PRSS12: variants seen among roughly 807,000 people sequenced by gnomAD.
PRSS12 encodes the protein serine protease 12.
In PRSS12, 85 loss-of-function variants were observed where a neutral mutation model predicts 104.4. The observed-to-expected ratio is 0.81, with a 90% CI of 0.68 to 0.98. PRSS12 has a LOEUF of 0.98. Ranked by LOEUF, PRSS12 falls within the 50% of genes least tolerant of loss-of-function variation. The pLI is 0.00. For missense variants in PRSS12, 1,141 were observed against 1,139.2 expected, an observed-to-expected ratio of 1.00 and a Z score of -0.02; for synonymous variants, 454 against 425.2, an observed-to-expected ratio of 1.07 and a Z score of -0.83.
At chr4:118,339,470 T>C (rs1724146376) in intron 1 of PRSS12, among the ~76,000 whole-genome samples, 1 of 152,214 alleles carries the variant, frequency 6.6e-6, no homozygotes, top group African/African-American at 2.4e-5. Context: ...TTCCACATCA[T>C]CATCCTTTAA....
intron 7 of PRSS12, among the ~76,000 whole-genome samples, chr4:118,312,367 C>G (rs960244088): frequency 6.6e-6 from 1 of 152,078 alleles, no homozygotes; most frequent in Non-Finnish European, 1.5e-5. Flanking sequence ...CATACACACA[C>G]ACACACACGC....
intron 8 of PRSS12, among the ~76,000 whole-genome samples, chr4:118,301,437 T>C (rs1376896939): frequency 1.3e-5 from 2 of 152,202 alleles, no homozygotes; most frequent in South Asian, 2.1e-4. Context: ...GCAGTGTCAC[T>C]GACCTCTTTG....
intron 4 of PRSS12, among the ~76,000 whole-genome samples, chr4:118,324,148 C>T (rs1024899219): frequency 2.0e-5 from 3 of 151,978 alleles, no homozygotes; most frequent in Non-Finnish European, 4.4e-5. Flanking sequence ...AATCTGCCCA[C>T]CTCAGCCTCT....
chr4:118,352,447 C>A lies in PRSS12; in HGVS notation c.274G>T (p.Gly92Cys). The change falls in exon 1 of 13, where the codon GGC (glycine) becomes TGC (cysteine). Residue 92 changes from glycine (G) to cysteine (C), a missense_variant. Physicochemically the swap from Gly to Cys is radical, Grantham distance 159. Coordinates refer to ENST00000296498, the MANE Select transcript of PRSS12 (RefSeq NM_003619.4). ...ACCCATGGCTCGCCGGCGGGGCAGC[C>A]CCAGGGGTGCGGCCGGGGCGTGTGC... ...AGHTPRPHPW[G>C]CPAGEPWVSV... is the part of the protein sequence containing the mutation. 6.9e-7 allele frequency: 1 copy of A among 1,448,440 alleles called. No individual in the cohort carries two copies. The highest frequency in any genetic ancestry group is 1.4e-5 in the South Asian group (1 of 70,926). 89.7% of individuals were successfully genotyped at this position (1,448,440 alleles called of 1,614,324 possible).
chr4:118,283,532 A>G (rs1022840548), intron 11 of PRSS12, among the ~76,000 whole-genome samples: 3 of 152,236 alleles, frequency 2.0e-5, no homozygotes, highest in Admixed American at 1.3e-4. Flanking sequence ...ACTTAGTACA[A>G]TCGACTTCAC....
chr4:118,320,961 G>A (rs957739821), intron 4 of PRSS12, among the ~76,000 whole-genome samples: 15 of 152,198 alleles, frequency 9.9e-5, no homozygotes, highest in African/African-American at 3.1e-4. Flanking sequence ...ATATTTTCAT[G>A]GAGTTAACAT....
intron 8 of PRSS12, among the ~76,000 whole-genome samples, chr4:118,305,074 G>A (rs1028543291): frequency 4.7e-5 from 7 of 148,816 alleles, no homozygotes; most frequent in East Asian, 2.0e-4. Flanking sequence ...AAAGATCCTC[G>A]GCACTAGTCA....
At chr4:118,319,514 CAA>C (rs1051353520) in intron 4 of PRSS12, among the ~76,000 whole-genome samples, 1 of 152,172 alleles carries the variant, frequency 6.6e-6, no homozygotes, top group African/African-American at 2.4e-5. Context: ...GAAATGCAAA[CAA>C]GAGAGATTCG....
chr4:118,334,312 C>A (rs1385069414), intron 3 of PRSS12, among the ~76,000 whole-genome samples: 4 of 151,650 alleles, frequency 2.6e-5, no homozygotes, highest in Non-Finnish European at 4.4e-5. Context: ...AGATAGATAT[C>A]CTGAAAAAAA....
intron 11 of PRSS12, among the ~76,000 whole-genome samples, chr4:118,283,869 G>A (rs933535357): frequency 6.6e-6 from 1 of 152,092 alleles, no homozygotes; most frequent in African/African-American, 2.4e-5. Flanking sequence ...CCAGGTCAGA[G>A]ATATCTTTGT....
intron 2 of PRSS12, among the ~76,000 whole-genome samples, chr4:118,337,596 T>C (rs1303003543): frequency 1.3e-5 from 2 of 152,058 alleles, no homozygotes; most frequent in Non-Finnish European, 2.9e-5. Flanking sequence ...GAAGCTGCCA[T>C]CTTCCACAAG....
intron 11 of PRSS12, among the ~76,000 whole-genome samples, chr4:118,291,522 C>T (rs1743126883): frequency 6.6e-6 from 1 of 152,144 alleles, no homozygotes; most frequent in Non-Finnish European, 1.5e-5. Flanking sequence ...TATCTTATCT[C>T]CCTTTAACAT....
intron 9 of PRSS12, among the ~76,000 whole-genome samples, chr4:118,297,387 A>G (rs1743277466): frequency 6.6e-6 from 1 of 152,178 alleles, no homozygotes; most frequent in Non-Finnish European, 1.5e-5. Context: ...AATCAGTTAT[A>G]TCCCATTTGT....
chr4:118,332,737 A>G (rs1386962659), intron 3 of PRSS12, among the ~76,000 whole-genome samples: 1 of 152,204 alleles, frequency 6.6e-6, no homozygotes, highest in African/African-American at 2.4e-5. Flanking sequence ...TATAATAATT[A>G]TTTATTGACT....
At chr4:118,282,781 G>T in intron 12 of PRSS12, 50 bp downstream of exon 12, 1 of 1,610,538 alleles carries the variant, frequency 6.2e-7, no homozygotes, top group Non-Finnish European at 8.5e-7. Context: ...CAAATATATG[G>T]ATAATACCAG....
In PRSS12 at chr4:118,352,788, G is replaced by A; in HGVS notation, c.-68C>T. 1 of 1,587,018 alleles carries A rather than the reference G, an allele frequency of 6.3e-7. No individual in the cohort carries two copies. Among genetic ancestry groups the A allele is most frequent in the Non-Finnish European group, 8.5e-7 (1 of 1,170,206 alleles). ...CGGGCTTGGAGCGGAGAAGAGGAGG[G>A]GGCGGGGGCGGGGCTGCCGCGTCCC... On this transcript the variant is annotated 5_prime_UTR_variant, in exon 1 of 13. Coordinates refer to ENST00000296498, the MANE Select transcript of PRSS12 (RefSeq NM_003619.4).
Position 118,316,188 on chromosome 4 carries a change from C to T in PRSS12, c.1286G>A (p.Gly429Glu), listed in dbSNP as rs142617098. The part of the protein sequence containing the change: ...LNTYVVCRQL[G>E]FKYGKQASAN... Reference sequence around the variant, plus strand: ...TATAATTAATGAACCTTACTTAAATCCCAATTGTCGACAAACCACGTATGT... The same window carrying T: ...TATAATTAATGAACCTTACTTAAATTCCAATTGTCGACAAACCACGTATGT... The change falls in exon 6 of 13, where the codon GGA (glycine) becomes GAA (glutamate). Residue 429 changes from glycine to glutamate, a missense_variant. Gly to Glu is a moderately conservative substitution (Grantham distance 98). Coordinates refer to ENST00000296498, the MANE Select transcript of PRSS12 (RefSeq NM_003619.4). The T allele has an allele frequency of 9.9e-6, 16 of 1,613,888 alleles. No individual in the cohort carries two copies. The African/African-American group carries it at 1.7e-4, about 18-fold the overall frequency.
chr4:118,329,738 T>C (rs1218994691), intron 4 of PRSS12, among the ~76,000 whole-genome samples: 3 of 152,138 alleles, frequency 2.0e-5, no homozygotes, highest in Non-Finnish European at 2.9e-5. Context: ...TAACTGCTTG[T>C]AGACACAAAA....
Position 118,313,382 on chromosome 4 carries a change from T to G in PRSS12, c.1308A>C (p.Ala436=), listed in dbSNP as rs776887302. The change falls in exon 7 of 13, where the codon GCA becomes GCC. Residue 436 remains alanine, a synonymous_variant. Transcript: ENST00000296498. The part of the protein sequence containing the change: ...RQLGFKYGKQ[A]SANHFEESTG... ...TGCTTTCTTCAAAATGGTTGGCAGA[T>G]GCTTGTTTACCATATCTGTGACAAT... 6.2e-7 allele frequency: 1 copy of G among 1,614,132 alleles called. No individual in the cohort carries two copies.
Sources: gnomAD v4.1 joint callset for allele counts (sites outside exome capture counted in the v4.1 genomes callset) on GRCh38, gnomAD v4.1.1 for gene constraint, MANE v1.5 for transcripts, NCBI Gene and HGNC (gene_info 2026-07-23, HGNC 2026-07-21) for gene names.